Variants in SRPK2 observed in about 807,000 individuals in gnomAD.
SRPK2 encodes the protein SRSF protein kinase 2, also known as SFRS protein kinase 2.
Under a neutral mutation model 90.8 loss-of-function variants are expected in SRPK2, and 21 were observed. The observed-to-expected ratio is 0.23, with a 90% CI of 0.16 to 0.33. The LOEUF (loss-of-function observed/expected upper bound fraction) is 0.33. Ranked by LOEUF, SRPK2 falls within the 10% of genes least tolerant of loss-of-function variation. The probability of loss-of-function intolerance (pLI) is 1.00; values close to 1 mark genes in which losing one functional copy is unlikely to be tolerated. For synonymous variants in SRPK2, 288 were observed against 311.1 expected, an observed-to-expected ratio of 0.93 and a Z score of 0.78; for missense variants, 620 against 869.0, an observed-to-expected ratio of 0.71 and a Z score of 3.60.
intron 2 of SRPK2, among the ~76,000 whole-genome samples, chr7:105,382,620 A>T (rs1585994948): frequency 6.6e-6 from 1 of 151,854 alleles, no homozygotes; most frequent in African/African-American, 2.4e-5. Flanking sequence ...GATGAATCTC[A>T]AGGGCATTAC....
chr7:105,229,590 C>T (rs1233068557), intron 2 of SRPK2, among the ~76,000 whole-genome samples: 2 of 152,124 alleles, frequency 1.3e-5, no homozygotes, highest in Non-Finnish European at 2.9e-5. Flanking sequence ...CCTCTCCTTC[C>T]GCAGTGCCCA....
rs1802213539 is a variant in SRPK2 at position 105,132,809 on chromosome 7, G to A, written c.1734C>T (p.Ile578=). Residue 578 remains isoleucine, a synonymous_variant, in exon 13 of 16, where the codon ATC becomes ATT. Coordinates refer to ENST00000393651, the MANE Select transcript of SRPK2 (RefSeq NM_182692.3). ...TCCTTACCATACACGCCGTGCTCCA[G>A]ATGTCCGCAGGGGTGCTGTACCCCG... ...IGAGYSTPAD[I]WSTACMAFEL... 1 of 1,609,386 alleles carries A rather than the reference G, an allele frequency of 6.2e-7. No homozygotes were observed. Among genetic ancestry groups the A allele is most frequent in the Non-Finnish European group, 8.5e-7 (1 of 1,177,528 alleles).
intron 2 of SRPK2, among the ~76,000 whole-genome samples, chr7:105,343,150 T>C (rs1032598856): frequency 2.0e-5 from 3 of 152,170 alleles, no homozygotes; most frequent in Admixed American, 1.3e-4. Context: ...TGTGTCACTA[T>C]TGGCAGGAGC....
At chr7:105,142,602 T>C (rs1331876910) in intron 10 of SRPK2, 112 bp from the exon 11 acceptor site, 14 of 1,398,912 alleles carry the variant, frequency 1.0e-5, no homozygotes, top group South Asian at 1.5e-5. Context: ...ATGTACCACC[T>C]GGTAAACACC....
At chr7:105,289,100 C>CAAAAAAAAAA (rs57131530) in intron 2 of SRPK2, among the ~76,000 whole-genome samples, 2 of 86,642 alleles carry the variant, frequency 2.3e-5, no homozygotes, top group African/African-American at 4.5e-5. Flanking sequence ...ACTTAAAGCA[C>CAAAAAAAAAA]AAAAAAAAAA....
At chr7:105,370,869 G>C (rs1306889570) in intron 2 of SRPK2, among the ~76,000 whole-genome samples, 2 of 151,842 alleles carry the variant, frequency 1.3e-5, no homozygotes, top group Non-Finnish European at 2.9e-5. Flanking sequence ...ACCCGCTTAG[G>C]CCTCTGAAAG....
Position 105,232,458 on chromosome 7 carries a change from T to TA in SRPK2, c.72-28674dup, listed in dbSNP as rs10533429. Among the ~76,000 whole-genome samples, 335 of 132,034 alleles carry TA rather than the reference T, an allele frequency of 2.5e-3. 1 individual carries two copies. Among genetic ancestry groups the TA allele is most frequent in the East Asian group, 7.8e-3 (27 of 3,450 alleles). 86.6% of individuals were successfully genotyped at this position (132,034 alleles called of 152,430 possible). A position where few individuals can be genotyped will look rare whatever the true frequency, so the allele number is the denominator to read the frequency against. On this transcript the variant is annotated intron_variant, in intron 2 of 15. Coordinates refer to ENST00000393651, the MANE Select transcript of SRPK2 (RefSeq NM_182692.3). ...TGGGCAACAAGAGCGAAACCTTATC[T>TA]AAAAAAAAAAAAAAAAAAAAAAAAG...
chr7:105,361,485 A>G (rs1169145847), intron 2 of SRPK2, among the ~76,000 whole-genome samples: 1 of 152,228 alleles, frequency 6.6e-6, no homozygotes, highest in African/African-American at 2.4e-5. Context: ...TTTAAAGTTC[A>G]TACGGAACCA....
At chr7:105,337,228 T>A (rs769176050) in intron 2 of SRPK2, among the ~76,000 whole-genome samples, 19 of 152,144 alleles carry the variant, frequency 1.2e-4, no homozygotes, top group Non-Finnish European at 2.1e-4. Context: ...GTTGAAGCCT[T>A]AACCCCCAGT....
intron 7 of SRPK2, among the ~76,000 whole-genome samples, chr7:105,151,954 G>T (rs1415761450): frequency 6.6e-6 from 1 of 150,976 alleles, no homozygotes; most frequent in Non-Finnish European, 1.5e-5. Context: ...AACCCAGAAA[G>T]CGGTGGTTGC....
intron 2 of SRPK2, among the ~76,000 whole-genome samples, chr7:105,205,266 G>C (rs764584743): frequency 5.3e-5 from 8 of 152,064 alleles, no homozygotes; most frequent in Non-Finnish European, 1.0e-4. Flanking sequence ...GAAGGGGTGG[G>C]GATCACACAC....
At chr7:105,345,677 G>A (rs61607653) in intron 2 of SRPK2, among the ~76,000 whole-genome samples, 4,345 of 152,252 alleles carry the variant, frequency 0.029, 221 homozygotes, top group African/African-American at 0.1. Flanking sequence ...TTTTACACAT[G>A]AACATGTCAA....
chr7:105,176,308 AAT>A (rs1252170831), intron 3 of SRPK2, among the ~76,000 whole-genome samples: 1 of 152,188 alleles, frequency 6.6e-6, no homozygotes. Context: ...ATGAAGCAGG[AAT>A]AGAGGAACAT....
chr7:105,166,107 T>C (rs1242307944), intron 6 of SRPK2, among the ~76,000 whole-genome samples: 1 of 152,208 alleles, frequency 6.6e-6, no homozygotes, highest in African/African-American at 2.4e-5. Context: ...CACCTACACT[T>C]ATAGCTGACC....
chr7:105,184,762 T>C (rs1029993920), intron 3 of SRPK2, among the ~76,000 whole-genome samples: 1 of 152,222 alleles, frequency 6.6e-6, no homozygotes, highest in Non-Finnish European at 1.5e-5. Flanking sequence ...CTCTAGTGTC[T>C]TCTGGCCTAA....
Position 105,167,468 on chromosome 7 carries a change from T to C in SRPK2, c.427-4A>G. On this transcript the variant is annotated splice_region_variant and splice_polypyrimidine_tract_variant and intron_variant, in intron 5 of 15. Coordinates refer to ENST00000393651, the MANE Select transcript of SRPK2 (RefSeq NM_182692.3). ...CACTGGGATCACTTTCTCGAACCTA[T>C]GCCAAGAAAAATGAATGCAAGAACA... 1.9e-6 allele frequency: 3 copies of C among 1,612,588 alleles called. No individual in the cohort carries two copies. The highest frequency in any genetic ancestry group is 2.5e-6 in the Non-Finnish European group (3 of 1,178,916).
At chr7:105,268,837 C>A (rs1805446987) in intron 2 of SRPK2, 1 of 1,597,124 alleles carries the variant, frequency 6.3e-7, no homozygotes, top group East Asian at 2.2e-5. Context: ...TCAGAGTTAA[C>A]TGACATCAGC....
chr7:105,365,509 A>ATT (rs1173381731), intron 2 of SRPK2, among the ~76,000 whole-genome samples: 5 of 124,788 alleles, frequency 4.0e-5, no homozygotes, highest in Admixed American at 2.5e-4. Flanking sequence ...AAAAAAAAAA[A>ATT]TTATATATAT....
intron 2 of SRPK2, among the ~76,000 whole-genome samples, chr7:105,367,270 G>A (rs1819183184): frequency 1.3e-5 from 2 of 151,446 alleles, no homozygotes. Context: ...GCTTTGTTTT[G>A]TTTTGTTTTT....
Sources: gnomAD v4.1 joint callset for allele counts (sites outside exome capture counted in the v4.1 genomes callset) on GRCh38, gnomAD v4.1.1 for gene constraint, MANE v1.5 for transcripts, NCBI Gene and HGNC (gene_info 2026-07-23, HGNC 2026-07-21) for gene names.